The following JMY variants were observed in gnomAD, a reference collection of about 807,000 sequenced individuals.
JMY encodes the protein junction-mediating and -regulatory protein.
In JMY, 46 loss-of-function variants were observed where a neutral mutation model predicts 103.3. The observed-to-expected ratio is 0.45, with a 90% CI of 0.35 to 0.57. The LOEUF (loss-of-function observed/expected upper bound fraction) is 0.57. JMY is among the 20% of genes least tolerant of loss of function. JMY has a pLI of 0.00. For missense variants in JMY, 1,238 were observed against 1,255.2 expected (o/e 0.99, Z 0.21); for synonymous variants, 526 against 489.3 (o/e 1.07, Z -0.99).
chr5:79,237,692 T>TGAGC lies in JMY; in HGVS notation c.1032+11_1032+14dup. 2 of 1,607,058 alleles carry TGAGC rather than the reference T, an allele frequency of 1.2e-6. No individual in the cohort carries two copies. Among genetic ancestry groups the TGAGC allele is most frequent in the Non-Finnish European group, 1.7e-6 (2 of 1,175,900 alleles). ...GAAGCGCATCCAGGAGGTGAGTGAG[T>TGAGC]GAGCTCCTAGTCTGGGCTCTACTGG... On this transcript the variant is annotated intron_variant, in intron 1 of 10. Transcript: ENST00000396137.
At chr5:79,316,877 C>A (rs970343525) in intron 10 of JMY, among the ~76,000 whole-genome samples, 1 of 119,672 alleles carries the variant, frequency 8.4e-6, no homozygotes, top group African/African-American at 3.3e-5. Flanking sequence ...CTGCCCTGGG[C>A]AACAGAGTGA....
intron 2 of JMY, among the ~76,000 whole-genome samples, chr5:79,281,143 C>A (rs1457431213): frequency 6.6e-6 from 1 of 151,608 alleles, no homozygotes; most frequent in African/African-American, 2.4e-5. Flanking sequence ...CTCCCGGGTT[C>A]GTGCCATTCT....
At chr5:79,289,080 C>G (rs545093726) in intron 2 of JMY, among the ~76,000 whole-genome samples, 34 of 151,658 alleles carry the variant, frequency 2.2e-4, no homozygotes, top group African/African-American at 8.2e-4. Context: ...AATAAAAATA[C>G]AAAAATTAGC....
In JMY at chr5:79,314,623, C is replaced by A. The variant is rs758691967; in HGVS notation, c.2431C>A (p.Pro811Thr). Reference sequence around the variant, plus strand: ...ACTCCCATCCCCTCTTCCTCCAACACCACCACCTCCCCCACCTCCTCCCCC... The same window carrying A: ...ACTCCCATCCCCTCTTCCTCCAACAACACCACCTCCCCCACCTCCTCCCCC... ...NPLPSPLPPT[P>T]PPPPPPPPPP... The change falls in exon 9 of 11, where the codon CCA becomes ACA. Residue 811 changes from proline (P) to threonine (T), a missense_variant. Coordinates refer to ENST00000396137, the MANE Select transcript of JMY (RefSeq NM_152405.5). 7 of 1,589,706 alleles carry A rather than the reference C, an allele frequency of 4.4e-6. No individual in the cohort carries two copies. In the African/African-American group the frequency reaches 9.4e-5, roughly 21 times the overall value.
In JMY at chr5:79,317,360, T is replaced by C. The variant is rs552115165; in HGVS notation, c.*3+1050T>C. Among the ~76,000 whole-genome samples, 13 of 152,292 alleles carry C rather than the reference T, an allele frequency of 8.5e-5. No individual in the cohort carries two copies. In the South Asian group the frequency reaches 2.7e-3, roughly 32 times the overall value. On this transcript the variant is annotated intron_variant, in intron 10 of 10. Coordinates refer to ENST00000396137, the MANE Select transcript of JMY (RefSeq NM_152405.5). Reference sequence around the variant, plus strand: ...ATTCTCTTTGGTTACACATGTAGCATTCTCCTAATATAATAGAGAGCTATA... The same window carrying C: ...ATTCTCTTTGGTTACACATGTAGCACTCTCCTAATATAATAGAGAGCTATA...
At chr5:79,271,815 A>T (rs1745792403) in intron 1 of JMY, among the ~76,000 whole-genome samples, 1 of 152,176 alleles carries the variant, frequency 6.6e-6, no homozygotes, top group Non-Finnish European at 1.5e-5. Flanking sequence ...TCGTGTTTAT[A>T]AAATGTTCTG....
At chr5:79,247,231 T>C (rs1167936602) in intron 1 of JMY, among the ~76,000 whole-genome samples, 3 of 152,234 alleles carry the variant, frequency 2.0e-5, no homozygotes, top group African/African-American at 7.2e-5. Context: ...ATCTTAATTA[T>C]ATACATATAC....
Position 79,277,095 on chromosome 5 carries a change from TC to T in JMY, c.1033-814del, listed in dbSNP as rs1323353173. ...AATAATATTTATCACAGTTTGAAAT[TC>T]TTTGTCTCTAAAAGAACCATGGGGA... On this transcript the variant is annotated intron_variant, in intron 1 of 10. Coordinates refer to ENST00000396137, the MANE Select transcript of JMY (RefSeq NM_152405.5). Among the ~76,000 whole-genome samples the T allele has an allele frequency of 3.3e-5, 5 of 152,222 alleles. No individual in the cohort carries two copies. The South Asian group carries it at 1.0e-3, about 32-fold the overall frequency.
At chr5:79,252,083 C>G in intron 1 of JMY, among the ~76,000 whole-genome samples, 1 of 152,008 alleles carries the variant, frequency 6.6e-6, no homozygotes, top group Middle Eastern at 3.2e-3. Flanking sequence ...GCCTTTTCTT[C>G]TTTTTGATAT....
intron 6 of JMY, among the ~76,000 whole-genome samples, chr5:79,302,268 G>T (rs1237045879): frequency 6.6e-6 from 1 of 152,106 alleles, no homozygotes; most frequent in Non-Finnish European, 1.5e-5. Context: ...AAACCTGCAA[G>T]TTTTTGAAAA....
Position 79,314,511 on chromosome 5 carries a change from CAGT to C in JMY, c.2320_2322del (p.Ser774del). ...AACTTGAAGCCACCTCATTACCTCT[CAGT>C]GGTGTTACCTCTGAACTGCCTCCCA... On this transcript the variant is annotated inframe_deletion, in exon 9 of 11. Coordinates refer to ENST00000396137, the MANE Select transcript of JMY (RefSeq NM_152405.5). 1.2e-6 allele frequency: 2 copies of C among 1,614,102 alleles called. No homozygotes were observed. The highest frequency in any genetic ancestry group is 1.7e-6 in the Non-Finnish European group (2 of 1,179,956).
rs943469654 is a variant in JMY at position 79,324,896 on chromosome 5, T to C, written c.*3294T>C. 1 of 152,614 alleles carries C rather than the reference T, an allele frequency of 6.6e-6. No individual in the cohort carries two copies. The highest frequency in any genetic ancestry group is 1.5e-5 in the Non-Finnish European group (1 of 68,040). The allele number at this position is 152,614 out of a possible 1,614,324, so 9.5% of individuals were successfully genotyped here. A position where few individuals can be genotyped will look rare whatever the true frequency, so the allele number is the denominator to read the frequency against. On this transcript the variant is annotated 3_prime_UTR_variant, in exon 11 of 11. Transcript: ENST00000396137. ...ATTTTCAGCACTTTGACTTACTCTA[T>C]GTAATAAGGAAAAAAATTGTTTCCA...
At position 79,314,316 on chromosome 5, in the gene JMY, A is replaced by T. The variant is rs774565319; in HGVS notation, c.2124A>T (p.Arg708Ser). Reference sequence around the variant, plus strand: ...GATTACGACTAGCTCATGCAAGAAGAAAAGGTGCAGCAAGTCCTGTTCTCC... The same window carrying T: ...GATTACGACTAGCTCATGCAAGAAGTAAAGGTGCAGCAAGTCCTGTTCTCC... The part of the protein sequence containing the change: ...STRLRLAHAR[R>S]KGAASPVLQE... The change falls in exon 9 of 11, where the codon AGA becomes AGT. Residue 708 changes from arginine (R) to serine (S), a missense_variant. Physicochemically the swap from Arg to Ser is moderately radical, Grantham distance 110. Transcript: ENST00000396137. The T allele has an allele frequency of 6.2e-7, 1 of 1,614,172 alleles. No individual in the cohort carries two copies. Among genetic ancestry groups the T allele is most frequent in the Non-Finnish European group, 8.5e-7 (1 of 1,180,006 alleles).
rs1744492870 is a variant in JMY at position 79,236,389 on chromosome 5, T to G, written c.-262T>G. 3.2e-6 allele frequency: 1 copy of G among 309,714 alleles called. No homozygotes were observed. Among genetic ancestry groups the G allele is most frequent in the African/African-American group, 2.2e-5 (1 of 46,054 alleles). 19.2% of individuals were successfully genotyped at this position (309,714 alleles called of 1,614,324 possible). On this transcript the variant is annotated 5_prime_UTR_variant, in exon 1 of 11. Transcript: ENST00000396137. ...GCGAGGCGCTGCGGCAGCGCGGAGC[T>G]TGTAAACAGATCCGGCCGCAGGTGA...
At chr5:79,271,985 A>G (rs1230917183) in intron 1 of JMY, among the ~76,000 whole-genome samples, 1 of 151,946 alleles carries the variant, frequency 6.6e-6, no homozygotes, top group Admixed American at 6.6e-5. Context: ...GGTGGTGCAC[A>G]CCTGTAATCC....
At chr5:79,312,957 A>C (rs1747098695) in intron 8 of JMY, among the ~76,000 whole-genome samples, 1 of 152,166 alleles carries the variant, frequency 6.6e-6, no homozygotes, top group Non-Finnish European at 1.5e-5. Context: ...AGCCATGACC[A>C]CACACTGATA....
intron 1 of JMY, among the ~76,000 whole-genome samples, chr5:79,264,409 T>TG (rs1389160106): frequency 6.6e-6 from 1 of 151,372 alleles, no homozygotes; most frequent in East Asian, 2.0e-4. Context: ...TTTTTTTTTT[T>TG]GTAGAGACAT....
intron 1 of JMY, among the ~76,000 whole-genome samples, chr5:79,260,952 A>C (rs926525949): frequency 3.3e-5 from 5 of 152,144 alleles, no homozygotes; most frequent in African/African-American, 1.2e-4. Context: ...GGTTCCTTCC[A>C]TCCAAGTATC....
intron 1 of JMY, among the ~76,000 whole-genome samples, chr5:79,240,077 G>A (rs1428921062): frequency 2.6e-5 from 4 of 151,080 alleles, no homozygotes; most frequent in Admixed American, 6.6e-5. Context: ...GTGTAGTGGC[G>A]CGATCTTGGC....
Sources: gnomAD v4.1 joint callset for allele counts (sites outside exome capture counted in the v4.1 genomes callset) on GRCh38, gnomAD v4.1.1 for gene constraint, MANE v1.5 for transcripts, NCBI Gene and HGNC (gene_info 2026-07-23, HGNC 2026-07-21) for gene names.